Variants in MCU observed in about 807,000 individuals in gnomAD.
The protein encoded by MCU is mitochondrial calcium uniporter.
MCU carries 12 observed loss-of-function variants against 45.2 expected under a neutral mutation model. That is an observed-to-expected ratio of 0.27 (90% CI 0.17 to 0.43). MCU has a LOEUF of 0.43. Ranked by LOEUF, MCU falls within the 20% of genes least tolerant of loss-of-function variation. The probability of loss-of-function intolerance (pLI) is 1.00; values close to 1 mark genes in which losing one functional copy is unlikely to be tolerated. For missense variants in MCU, 324 were observed against 436.7 expected, an observed-to-expected ratio of 0.74 and a Z score of 2.30; for synonymous variants, 160 against 165.1, an observed-to-expected ratio of 0.97 and a Z score of 0.24.
chr10:72,805,566 G>A (rs2132791113), intron 1 of MCU, among the ~76,000 whole-genome samples: 1 of 152,162 alleles, frequency 6.6e-6, no homozygotes, highest in African/African-American at 2.4e-5. Context: ...TATTTCTGAT[G>A]ACAGAGAACT....
At chr10:72,807,455 G>T (rs1844469673) in intron 1 of MCU, among the ~76,000 whole-genome samples, 1 of 151,480 alleles carries the variant, frequency 6.6e-6, no homozygotes, top group South Asian at 2.1e-4. Context: ...AATGAAATTT[G>T]CTTAAGTTCA....
At chr10:72,732,182 T>C (rs1184643097) in intron 1 of MCU, among the ~76,000 whole-genome samples, 1 of 152,244 alleles carries the variant, frequency 6.6e-6, no homozygotes, top group Non-Finnish European at 1.5e-5. Flanking sequence ...TTTGCTTTGC[T>C]TTCTGTAATG....
intron 1 of MCU, among the ~76,000 whole-genome samples, chr10:72,698,781 A>G (rs1842720211): frequency 6.6e-6 from 1 of 152,138 alleles, no homozygotes; most frequent in South Asian, 2.1e-4. Context: ...CTGGTATTAC[A>G]GGCGTGAGCC....
intron 1 of MCU, among the ~76,000 whole-genome samples, chr10:72,784,149 C>T (rs1385504738): frequency 6.6e-6 from 1 of 152,198 alleles, no homozygotes; most frequent in African/African-American, 2.4e-5. Flanking sequence ...CTGGATCTCT[C>T]AGGGGATGAC....
intron 2 of MCU, among the ~76,000 whole-genome samples, chr10:72,852,473 C>T (rs1053113392): frequency 8.5e-5 from 13 of 152,154 alleles, no homozygotes; most frequent in Non-Finnish European, 1.8e-4. Context: ...AATTACTATC[C>T]TGCTATAAAC....
In MCU at chr10:72,725,535, A is replaced by G. The variant is rs1478224385; in HGVS notation, c.150+33234A>G. Reference sequence around the variant, plus strand: ...ATGATCCTCCCACCTGGGGCCTCCCAAAGTGTTGGGATTACAGGTATGAGC... The same window carrying G: ...ATGATCCTCCCACCTGGGGCCTCCCGAAGTGTTGGGATTACAGGTATGAGC... On this transcript the variant is annotated intron_variant, in intron 1 of 7. Coordinates refer to ENST00000373053, the MANE Select transcript of MCU (RefSeq NM_138357.3). Among the ~76,000 whole-genome samples the G allele has an allele frequency of 2.6e-5, 4 of 152,274 alleles. No individual in the cohort carries two copies. The East Asian group carries it at 7.7e-4, about 29-fold the overall frequency.
At chr10:72,773,673 A>G (rs1843846267) in intron 1 of MCU, among the ~76,000 whole-genome samples, 2 of 152,212 alleles carry the variant, frequency 1.3e-5, no homozygotes, top group Admixed American at 6.5e-5. Context: ...AACTACCTCA[A>G]GGCATATAAT....
At chr10:72,823,467 CAG>C (rs1287712903) in intron 1 of MCU, among the ~76,000 whole-genome samples, 3 of 152,310 alleles carry the variant, frequency 2.0e-5, no homozygotes, top group South Asian at 4.1e-4. Context: ...GAGTCATAGA[CAG>C]AGTGGGCTGA....
At chr10:72,707,450 C>T (rs1210785244) in intron 1 of MCU, among the ~76,000 whole-genome samples, 2 of 152,226 alleles carry the variant, frequency 1.3e-5, no homozygotes, top group East Asian at 3.9e-4. Context: ...TCACCCGCCT[C>T]GGCCTCCCAA....
chr10:72,755,573 T>C (rs887795160), intron 1 of MCU, among the ~76,000 whole-genome samples: 3 of 152,238 alleles, frequency 2.0e-5, no homozygotes, highest in African/African-American at 7.2e-5. Flanking sequence ...GCATTTAGAA[T>C]AGTGCCTTGC....
intron 3 of MCU, 40 bp from the exon 4 acceptor site, chr10:72,860,383 A>G: frequency 1.3e-6 from 2 of 1,523,054 alleles, no homozygotes; most frequent in Non-Finnish European, 1.8e-6. Flanking sequence ...TTCTTGAATA[A>G]TTATGGACCT....
chr10:72,711,627 T>C lies in MCU; in HGVS notation c.150+19326T>C, dbSNP rs563618409. On this transcript the variant is annotated intron_variant, in intron 1 of 7. Coordinates refer to ENST00000373053, the MANE Select transcript of MCU (RefSeq NM_138357.3). ...TGGGAGGCTGAGGTGGGAGGATTGC[T>C]TGAGGCCAGTAGTTTGAGGTTACAC... Among the ~76,000 whole-genome samples the C allele has an allele frequency of 1.7e-3, 265 of 151,780 alleles. 3 individuals are homozygous for C. The highest frequency in any genetic ancestry group is 6.2e-3 in the African/African-American group (255 of 41,404).
At chr10:72,782,859 A>C (rs990516094) in intron 1 of MCU, among the ~76,000 whole-genome samples, 1 of 152,212 alleles carries the variant, frequency 6.6e-6, no homozygotes, top group African/African-American at 2.4e-5. Flanking sequence ...ATTCTAGTGC[A>C]GCTGTGTTAC....
At chr10:72,781,117 ATG>A in intron 1 of MCU, among the ~76,000 whole-genome samples, 1 of 152,340 alleles carries the variant, frequency 6.6e-6, no homozygotes, top group East Asian at 1.9e-4. Context: ...GGATGGAACT[ATG>A]GAGGAAATTT....
intron 6 of MCU, among the ~76,000 whole-genome samples, chr10:72,873,240 G>T (rs997814704): frequency 2.0e-4 from 30 of 151,776 alleles, no homozygotes; most frequent in African/African-American, 5.3e-4. Context: ...GGATGGTCTC[G>T]ATCTCCTGAC....
At chr10:72,760,600 G>C (rs1052289997) in intron 1 of MCU, 1 of 151,892 alleles carries the variant, frequency 6.6e-6, no homozygotes, top group Non-Finnish European at 1.5e-5. Context: ...CATGATCTTG[G>C]CTCACTGCAG....
intron 2 of MCU, among the ~76,000 whole-genome samples, chr10:72,856,767 C>CT (rs1375633549): frequency 9.2e-6 from 1 of 108,194 alleles, no homozygotes; most frequent in Non-Finnish European, 1.8e-5. Flanking sequence ...AACCCTGTCT[C>CT]TAAAAAAAAA....
At chr10:72,824,322 G>A (rs931430913) in intron 1 of MCU, among the ~76,000 whole-genome samples, 46 of 150,122 alleles carry the variant, frequency 3.1e-4, no homozygotes, top group Non-Finnish European at 5.5e-4. Flanking sequence ...TCAGCCTCCC[G>A]AGTAGCTGGG....
chr10:72,859,190 T>G lies in MCU; in HGVS notation c.234T>G (p.Val78=). The part of the protein sequence containing the change: ...TVVPSDDVTV[V]YQNGLPVISV... ...TTTTTCATTCAGATGTTACAGTGGTTTATCAAAATGGGTTACCTGTGATAT... is the reference window on the plus strand; with the variant it reads ...TTTTTCATTCAGATGTTACAGTGGTGTATCAAAATGGGTTACCTGTGATAT... Residue 78 remains valine (V), a synonymous_variant, in exon 3 of 8, where the codon GTT becomes GTG. Coordinates refer to ENST00000373053, the MANE Select transcript of MCU (RefSeq NM_138357.3). 6.3e-7 allele frequency: 1 copy of G among 1,596,474 alleles called. No individual in the cohort carries two copies. Among genetic ancestry groups the G allele is most frequent in the Non-Finnish European group, 8.5e-7 (1 of 1,172,270 alleles).
Sources: gnomAD v4.1 joint callset for allele counts (sites outside exome capture counted in the v4.1 genomes callset) on GRCh38, gnomAD v4.1.1 for gene constraint, MANE v1.5 for transcripts, NCBI Gene and HGNC (gene_info 2026-07-23, HGNC 2026-07-21) for gene names.